NHS: variants seen among roughly 807,000 people sequenced by gnomAD.
NHS encodes actin remodeling regulator NHS.
A neutral mutation model predicts 72.5 loss-of-function variants in NHS; 5 were observed. The ratio of observed to expected loss-of-function variants is 0.07; its 90% CI spans 0.04 to 0.14. NHS has a LOEUF of 0.14. NHS is among the 10% of genes least tolerant of loss of function. The pLI, the probability that NHS is intolerant of heterozygous loss-of-function variation, is 1.00. For missense variants in NHS, 1,072 were observed against 1,355.7 expected, an observed-to-expected ratio of 0.79 and a Z score of 3.29; for synonymous variants, 464 against 547.7, an observed-to-expected ratio of 0.85 and a Z score of 2.13.
chrX:17,623,101 C>G (rs1376022424), intron 1 of NHS, among the ~76,000 whole-genome samples: 1 of 110,566 alleles, frequency 9.0e-6, no homozygotes, highest in African/African-American at 3.3e-5. Flanking sequence ...CTAATTTTTT[C>G]TTTTATTTTT....
intron 1 of NHS, among the ~76,000 whole-genome samples, chrX:17,609,963 T>C (rs2065701613): frequency 8.9e-6 from 1 of 111,927 alleles, no homozygotes; most frequent in African/African-American, 3.3e-5. Flanking sequence ...TGTTCAGCTT[T>C]AGACAGGAGA....
intron 1 of NHS, among the ~76,000 whole-genome samples, chrX:17,677,808 T>C (rs1468874098): frequency 9.0e-6 from 1 of 111,502 alleles, no homozygotes; most frequent in Non-Finnish European, 1.9e-5. Context: ...GAAAATTCTT[T>C]CATTTCGTTT....
At chrX:17,379,810 A>G (rs747378066) in intron 1 of NHS, among the ~76,000 whole-genome samples, 5 of 112,091 alleles carry the variant, frequency 4.5e-5, no homozygotes, top group Non-Finnish European at 7.5e-5. Context: ...GGTAGAATGT[A>G]TTACCATTTG....
intron 1 of NHS, among the ~76,000 whole-genome samples, chrX:17,404,054 G>T (rs1464620940): frequency 8.9e-6 from 1 of 112,443 alleles, no homozygotes; most frequent in South Asian, 3.7e-4. Flanking sequence ...TGCTAATGCT[G>T]TAGTAAAAAT....
intron 1 of NHS, among the ~76,000 whole-genome samples, chrX:17,457,999 C>G (rs1330220423): frequency 1.8e-5 from 2 of 111,574 alleles, no homozygotes; most frequent in African/African-American, 6.5e-5. Context: ...AATAAATATT[C>G]TATTGAGCCT....
intron 1 of NHS, among the ~76,000 whole-genome samples, chrX:17,679,860 G>GT (rs1491537189): frequency 1.7e-5 from 1 of 58,879 alleles, no homozygotes; most frequent in African/African-American, 1.2e-4. Context: ...AATGAAGAAA[G>GT]GGGGGGGGGG....
rs763724714 is a variant in NHS at position 17,572,772 on chromosome X, G to A, written c.566-114970G>A. Among the ~76,000 whole-genome samples, 237 of 111,277 alleles carry A rather than the reference G, an allele frequency of 2.1e-3. 1 individual carries two copies. Among genetic ancestry groups the A allele is most frequent in the Non-Finnish European group, 3.7e-3 (194 of 53,114 alleles). On this transcript the variant is annotated intron_variant, in intron 1 of 8. Coordinates refer to ENST00000676302, the MANE Select transcript of NHS (RefSeq NM_001291867.2). Reference sequence around the variant, plus strand: ...TTAGTTGATGCAGTTTCTTCATAGCGTCAATGGTCTTTGCAATTTGGCATG... The same window carrying A: ...TTAGTTGATGCAGTTTCTTCATAGCATCAATGGTCTTTGCAATTTGGCATG...
chrX:17,429,609 G>T (rs190440003), intron 1 of NHS, among the ~76,000 whole-genome samples: 1 of 111,361 alleles, frequency 9.0e-6, no homozygotes, highest in Non-Finnish European at 1.9e-5. Flanking sequence ...GAAAACAGCC[G>T]TTGGAATCCT....
At chrX:17,426,125 C>T (rs1240482131) in intron 1 of NHS, among the ~76,000 whole-genome samples, 1 of 112,163 alleles carries the variant, frequency 8.9e-6, no homozygotes, top group Non-Finnish European at 1.9e-5. Context: ...GCTGATTGCA[C>T]ATATCTCTCC....
At chrX:17,615,261 C>CATATATATATATAT (rs756380375) in intron 1 of NHS, among the ~76,000 whole-genome samples, 16 of 89,833 alleles carry the variant, frequency 1.8e-4, no homozygotes, top group African/African-American at 7.7e-4. Context: ...CATATATACA[C>CATATATATATATAT]ATATATATAT....
At chrX:17,710,202 G>A (rs922480209) in intron 3 of NHS, among the ~76,000 whole-genome samples, 2 of 112,473 alleles carry the variant, frequency 1.8e-5, no homozygotes, top group African/African-American at 3.2e-5. Flanking sequence ...TTAATAGCCA[G>A]CACAATAGCT....
chrX:17,531,185 A>G (rs2065196613), intron 1 of NHS, among the ~76,000 whole-genome samples: 1 of 92,274 alleles, frequency 1.1e-5, no homozygotes, highest in African/African-American at 4.2e-5. Context: ...CCTCCCCCTT[A>G]TAAACCTCCC....
chrX:17,535,621 G>A (rs2065219339), intron 1 of NHS, among the ~76,000 whole-genome samples: 2 of 111,248 alleles, frequency 1.8e-5, no homozygotes, highest in African/African-American at 6.6e-5. Flanking sequence ...TGTCACCCAG[G>A]CTGGAATGCA....
chrX:17,686,569 C>T (rs1055583524), intron 1 of NHS, among the ~76,000 whole-genome samples: 1 of 112,429 alleles, frequency 8.9e-6, no homozygotes, highest in Non-Finnish European at 1.9e-5. Flanking sequence ...CACAGACATG[C>T]TTTCTGTTCT....
intron 3 of NHS, among the ~76,000 whole-genome samples, chrX:17,719,056 A>C (rs760595595): frequency 2.0e-5 from 2 of 98,849 alleles, no homozygotes; most frequent in South Asian, 1.2e-3. Context: ...GAAGGAAGGA[A>C]GGGAAGGAAG....
chrX:17,397,223 C>A (rs994257026), intron 1 of NHS, among the ~76,000 whole-genome samples: 1 of 112,485 alleles, frequency 8.9e-6, no homozygotes, highest in Non-Finnish European at 1.9e-5. Context: ...GGCATGGCCA[C>A]ACAACCAACC....
At chrX:17,541,711 A>G (rs1258815353) in intron 1 of NHS, among the ~76,000 whole-genome samples, 1 of 104,411 alleles carries the variant, frequency 9.6e-6, no homozygotes, top group Non-Finnish European at 1.9e-5. Context: ...TCATCTTTGG[A>G]CTATTGGACC....
chrX:17,394,796 G>A (rs1227805009), intron 1 of NHS, among the ~76,000 whole-genome samples: 1 of 110,856 alleles, frequency 9.0e-6, no homozygotes, highest in East Asian at 2.8e-4. Context: ...ATGACTGAGT[G>A]TTATCAACAG....
At chrX:17,506,783 G>A (rs1238546955) in intron 1 of NHS, among the ~76,000 whole-genome samples, 1 of 111,056 alleles carries the variant, frequency 9.0e-6, no homozygotes, top group Non-Finnish European at 1.9e-5. Context: ...ATGCTAGAGA[G>A]GCTGGAAAGC....
Sources: gnomAD v4.1 joint callset for allele counts (sites outside exome capture counted in the v4.1 genomes callset) on GRCh38, gnomAD v4.1.1 for gene constraint, MANE v1.5 for transcripts, NCBI Gene and HGNC (gene_info 2026-07-23, HGNC 2026-07-21) for gene names.